SMG7: variants seen among roughly 807,000 people sequenced by gnomAD.
SMG7 encodes nonsense-mediated mRNA decay factor SMG7.
In SMG7, 34 loss-of-function variants were observed where a neutral mutation model predicts 148.2. That is an observed-to-expected ratio of 0.23 (90% CI 0.17 to 0.31). The LOEUF (loss-of-function observed/expected upper bound fraction) is 0.31. Among genes scored for constraint, SMG7 ranks in the 10% least tolerant of loss-of-function variants. The probability of loss-of-function intolerance (pLI) is 1.00; values close to 1 mark genes in which losing one functional copy is unlikely to be tolerated. For synonymous variants in SMG7, 492 were observed against 515.1 expected (o/e 0.96, Z 0.61); for missense variants, 1,114 against 1,408.4 (o/e 0.79, Z 3.35).
chr1:183,540,905 G>C (rs1668699220), intron 12 of SMG7, 79 bp from the exon 13 acceptor site: 1 of 1,394,500 alleles, frequency 7.2e-7, no homozygotes, highest in South Asian at 1.2e-5. Context: ...AGCCATTACA[G>C]TTAATCAGGT....
intron 1 of SMG7, among the ~76,000 whole-genome samples, chr1:183,492,306 A>G (rs943881322): frequency 6.6e-6 from 1 of 152,198 alleles, no homozygotes; most frequent in Non-Finnish European, 1.5e-5. Context: ...AATTACTTTG[A>G]TACCTTTGTC....
intron 14 of SMG7, among the ~76,000 whole-genome samples, chr1:183,542,897 T>C (rs536152037): frequency 6.6e-6 from 1 of 151,432 alleles, no homozygotes; most frequent in African/African-American, 2.4e-5. Context: ...TATGCAGTTT[T>C]TTTTTTTAGA....
intron 1 of SMG7, among the ~76,000 whole-genome samples, chr1:183,486,788 C>T (rs955848374): frequency 6.6e-6 from 1 of 152,140 alleles, no homozygotes; most frequent in African/African-American, 2.4e-5. Flanking sequence ...ACCTCTACCT[C>T]CCAGGCTCAA....
intron 1 of SMG7, among the ~76,000 whole-genome samples, chr1:183,510,388 A>C (rs1661860932): frequency 6.6e-6 from 1 of 152,204 alleles, no homozygotes; most frequent in Admixed American, 6.5e-5. Context: ...GGCATAAGCC[A>C]ACAGCTTTGC....
At position 183,527,614 on chromosome 1, in the gene SMG7, T is replaced by A; in HGVS notation, c.485-342T>A. 2.1e-6 allele frequency: 1 copy of A among 478,230 alleles called. No homozygotes were observed. Among genetic ancestry groups the A allele is most frequent in the Non-Finnish European group, 4.3e-6 (1 of 231,758 alleles). 29.6% of individuals were successfully genotyped at this position (478,230 alleles called of 1,614,324 possible). ...TATTGTATAGTGTATTTTGTTTTGT[T>A]TTGTTTTTAAGTGCCATATAACTCA... On this transcript the variant is annotated intron_variant, in intron 5 of 22. Transcript: ENST00000688051. The surrounding 1 kb of genome is among the most constrained non-coding windows in gnomAD (Gnocchi z 4.0).
intron 1 of SMG7, among the ~76,000 whole-genome samples, chr1:183,488,682 C>CTTTTTTTTTTTTTTTT: frequency 1.3e-5 from 1 of 75,092 alleles, no homozygotes; most frequent in Non-Finnish European, 2.4e-5. Flanking sequence ...GTTTATAAGG[C>CTTTTTTTTTTTTTTTT]TTTTTTTTTT....
intron 1 of SMG7, among the ~76,000 whole-genome samples, chr1:183,489,087 C>T (rs1656276621): frequency 6.6e-6 from 1 of 151,998 alleles, no homozygotes; most frequent in Admixed American, 6.5e-5. Context: ...CGACAGAATC[C>T]TGCACAATAG....
intron 17 of SMG7, 113 bp downstream of exon 17, chr1:183,546,450 A>T: frequency 9.1e-7 from 1 of 1,100,660 alleles, no homozygotes; most frequent in Non-Finnish European, 1.3e-6. Context: ...TTAGTACTAT[A>T]GAATGCCACT....
chr1:183,484,831 T>C lies in SMG7; in HGVS notation c.29+12182T>C, dbSNP rs1365388346. 2.6e-5 allele frequency among the ~76,000 whole-genome samples: 4 copies of C among 152,182 alleles called. No individual in the cohort carries two copies. In the South Asian group the frequency reaches 8.3e-4, roughly 32 times the overall value. On this transcript the variant is annotated intron_variant, in intron 1 of 22. Coordinates refer to ENST00000688051, the MANE Select transcript of SMG7 (RefSeq NM_001375584.1). ...TTTAGTAATCATTTTGACCTGTTGTTTGAAAGGCTTATTATACTCTTAGAC... is the reference window on the plus strand; with the variant it reads ...TTTAGTAATCATTTTGACCTGTTGTCTGAAAGGCTTATTATACTCTTAGAC...
At chr1:183,532,991 T>C (rs1043415506) in intron 8 of SMG7, among the ~76,000 whole-genome samples, 173 bp from the exon 9 acceptor site, 1 of 152,204 alleles carries the variant, frequency 6.6e-6, no homozygotes, top group African/African-American at 2.4e-5. Context: ...AAAAGTCAGT[T>C]TGGGAAATAA....
chr1:183,508,907 TACTCTGCAGAC>T (rs1236154259), intron 1 of SMG7, among the ~76,000 whole-genome samples: 2 of 152,262 alleles, frequency 1.3e-5, no homozygotes, highest in Non-Finnish European at 1.5e-5. Context: ...AACAGACTTT[TACTCTGCAGAC>T]ACTATTGTTG....
In SMG7 at chr1:183,485,386, G is replaced by A. The variant is rs553780170; in HGVS notation, c.29+12737G>A. 3.3e-5 allele frequency among the ~76,000 whole-genome samples: 5 copies of A among 152,272 alleles called. No homozygotes were observed. In the South Asian group the frequency reaches 1.0e-3, roughly 32 times the overall value. ...CTTTTTCTTTGTAGATAATAAGCGG[G>A]AAGTGGGCCGGGTAGTTTTGCCAAA... is the stretch of plus-strand genomic sequence containing the variant. On this transcript the variant is annotated intron_variant, in intron 1 of 22. Transcript: ENST00000688051.
chr1:183,475,669 T>C (rs942169223), intron 1 of SMG7, among the ~76,000 whole-genome samples: 2 of 152,226 alleles, frequency 1.3e-5, no homozygotes, highest in African/African-American at 2.4e-5. Flanking sequence ...TTTGGGACTT[T>C]GGTCCTGAAT....
chr1:183,480,701 A>G (rs1197961853), intron 1 of SMG7, among the ~76,000 whole-genome samples: 1 of 152,198 alleles, frequency 6.6e-6, no homozygotes, highest in African/African-American at 2.4e-5. Context: ...GCAGTGGTAT[A>G]TACACAGAGG....
chr1:183,521,201 C>T (rs1287391927), intron 4 of SMG7, among the ~76,000 whole-genome samples: 3 of 151,756 alleles, frequency 2.0e-5, no homozygotes, highest in Non-Finnish European at 4.4e-5. Context: ...TGGGTTCAAG[C>T]GATTCTTCTG....
chr1:183,536,559 C>G (rs1667832176), intron 10 of SMG7, among the ~76,000 whole-genome samples: 2 of 152,088 alleles, frequency 1.3e-5, no homozygotes, highest in African/African-American at 4.8e-5. Context: ...GTACGTACTT[C>G]TGAATAGTGG....
chr1:183,513,369 C>CTTTTTTTTTT (rs1224170251), intron 2 of SMG7: 4 of 122,716 alleles, frequency 3.3e-5, no homozygotes, highest in Non-Finnish European at 5.0e-5. Context: ...ATCTTTGTTA[C>CTTTTTTTTTT]TTTTTTTTTT....
intron 1 of SMG7, among the ~76,000 whole-genome samples, chr1:183,507,703 A>G (rs1031629746): frequency 6.6e-6 from 1 of 152,220 alleles, no homozygotes; most frequent in Non-Finnish European, 1.5e-5. Context: ...TAGTACCTAT[A>G]CTACCTCTTC....
At chr1:183,512,947 TGCACAGCACTAAATCCCA>T in intron 2 of SMG7, 79 bp downstream of exon 2, 2 of 1,305,022 alleles carry the variant, frequency 1.5e-6, no homozygotes, top group Non-Finnish European at 2.1e-6. Flanking sequence ...TCTTATATTA[TGCACAGCACTAAATCCCA>T]TCTTAGTTGC....
Sources: allele counts gnomAD v4.1 joint callset (sites outside exome capture counted in the v4.1 genomes callset), GRCh38; gene constraint gnomAD v4.1.1; non-coding constraint Gnocchi (gnomAD v3.1); transcripts MANE v1.5; gene names NCBI Gene and HGNC (gene_info 2026-07-23, HGNC 2026-07-21).